Variants in EIF4G3 observed in about 807,000 individuals in gnomAD.
EIF4G3 encodes the protein eIF-4-gamma 3.
Under a neutral mutation model 186.4 loss-of-function variants are expected in EIF4G3, and 34 were observed. The ratio of observed to expected loss-of-function variants is 0.18; its 90% CI spans 0.14 to 0.24. EIF4G3 has a LOEUF of 0.24. Among genes scored for constraint, EIF4G3 ranks in the 10% least tolerant of loss-of-function variants. The probability of loss-of-function intolerance (pLI) is 1.00; values close to 1 mark genes in which losing one functional copy is unlikely to be tolerated. For missense variants in EIF4G3, 1,536 were observed against 1,948.5 expected (o/e 0.79, Z 3.99); for synonymous variants, 673 against 679.5 (o/e 0.99, Z 0.15).
At chr1:21,058,719 C>T (rs79440506) in intron 3 of EIF4G3, among the ~76,000 whole-genome samples, 141 of 82,032 alleles carry the variant, frequency 1.7e-3, no homozygotes, top group African/African-American at 4.5e-3. Context: ...CTCTCTCTCT[C>T]TTTTTTTTTT....
At chr1:21,149,045 A>G (rs1005915174) in intron 2 of EIF4G3, among the ~76,000 whole-genome samples, 2 of 151,826 alleles carry the variant, frequency 1.3e-5, no homozygotes, top group African/African-American at 4.8e-5. Context: ...ACAGTGAGCT[A>G]TGATCATGCC....
intron 2 of EIF4G3, among the ~76,000 whole-genome samples, chr1:21,098,326 G>A (rs1260805197): frequency 6.6e-6 from 1 of 151,978 alleles, no homozygotes; most frequent in Non-Finnish European, 1.5e-5. Context: ...TGAACTGCTT[G>A]AGTCCAGGAG....
intron 12 of EIF4G3, among the ~76,000 whole-genome samples, chr1:20,968,233 A>AC (rs1199342583): frequency 5.9e-5 from 9 of 151,264 alleles, no homozygotes; most frequent in Non-Finnish European, 8.8e-5. Flanking sequence ...GCTGGTGAGT[A>AC]CAGCAGCACA....
chr1:20,981,791 G>A (rs2078338249), intron 8 of EIF4G3, among the ~76,000 whole-genome samples: 1 of 150,942 alleles, frequency 6.6e-6, no homozygotes, highest in Non-Finnish European at 1.5e-5. Context: ...ATACATATAT[G>A]TATACACACA....
At chr1:20,963,725 GAGC>G (rs2073975006) in intron 12 of EIF4G3, among the ~76,000 whole-genome samples, 1 of 152,004 alleles carries the variant, frequency 6.6e-6, no homozygotes, top group South Asian at 2.1e-4. Context: ...AGGCTGAGGC[GAGC>G]AGATCACTTG....
At chr1:20,978,828 A>G (rs2077396878) in intron 10 of EIF4G3, among the ~76,000 whole-genome samples, 1 of 152,134 alleles carries the variant, frequency 6.6e-6, no homozygotes, top group Admixed American at 6.6e-5. Context: ...AATATCAACC[A>G]AGGTAACAGA....
At chr1:21,111,542 T>A (rs749738907) in intron 2 of EIF4G3, 1 of 320,970 alleles carries the variant, frequency 3.1e-6, no homozygotes, top group Non-Finnish European at 6.3e-6. Context: ...GATTCCTAAT[T>A]AAGAGCACCA....
chr1:20,974,657 CA>C (rs1222278703), intron 10 of EIF4G3, among the ~76,000 whole-genome samples: 2 of 151,892 alleles, frequency 1.3e-5, no homozygotes, highest in African/African-American at 4.8e-5. Context: ...TATAGCTGGA[CA>C]AAAATATGGA....
intron 2 of EIF4G3, among the ~76,000 whole-genome samples, chr1:21,105,109 C>T (rs2096591714): frequency 6.6e-6 from 1 of 152,136 alleles, no homozygotes; most frequent in South Asian, 2.1e-4. Flanking sequence ...AAGTACTATG[C>T]TTATTACCTG....
chr1:21,018,502 G>A (rs760139569), intron 4 of EIF4G3, among the ~76,000 whole-genome samples: 1 of 151,802 alleles, frequency 6.6e-6, no homozygotes, highest in Non-Finnish European at 1.5e-5. Context: ...GGAGGTTGCA[G>A]TGAGCTGAGA....
intron 29 of EIF4G3, among the ~76,000 whole-genome samples, chr1:20,849,206 C>T (rs190212578): frequency 2.0e-4 from 31 of 152,156 alleles, no homozygotes; most frequent in Admixed American, 8.5e-4. Flanking sequence ...TCTCTGCCCA[C>T]CACTCTATGT....
chr1:20,971,776 G>C (rs1349030231), intron 11 of EIF4G3, among the ~76,000 whole-genome samples: 1 of 152,138 alleles, frequency 6.6e-6, no homozygotes, highest in Non-Finnish European at 1.5e-5. Context: ...TGGAATTATA[G>C]GCACGAGCCT....
intron 2 of EIF4G3, among the ~76,000 whole-genome samples, chr1:21,125,333 TTTGAAACA>T (rs1256217581): frequency 6.6e-6 from 1 of 152,166 alleles, no homozygotes; most frequent in African/African-American, 2.4e-5. Flanking sequence ...TATTTAAACA[TTTGAAACA>T]GTACCCTCAC....
intron 2 of EIF4G3, among the ~76,000 whole-genome samples, chr1:21,106,507 T>A (rs761261654): frequency 6.6e-6 from 1 of 152,120 alleles, no homozygotes; most frequent in Non-Finnish European, 1.5e-5. Flanking sequence ...CAGACAGCAG[T>A]ACTACTCGCC....
intron 2 of EIF4G3, among the ~76,000 whole-genome samples, chr1:21,113,146 CAAAAAAAAAA>C (rs5772939): frequency 3.9e-5 from 2 of 51,462 alleles, no homozygotes; most frequent in Non-Finnish European, 3.3e-5. Flanking sequence ...GGCCCTATCT[CAAAAAAAAAA>C]AAAAAAAAAA....
chr1:21,011,315 T>C (rs2087007529), intron 4 of EIF4G3, among the ~76,000 whole-genome samples: 1 of 152,132 alleles, frequency 6.6e-6, no homozygotes, highest in African/African-American at 2.4e-5. Flanking sequence ...CAAAAGAATG[T>C]CACTTCTGTA....
At chr1:20,923,040 CAG>C (rs1475514960) in intron 14 of EIF4G3, among the ~76,000 whole-genome samples, 2 of 152,142 alleles carry the variant, frequency 1.3e-5, no homozygotes, top group African/African-American at 2.4e-5. Context: ...TTCCCCTTTA[CAG>C]AGAGTAAAGG....
rs1258722590 is a variant in EIF4G3, at chr1:21,176,690, C to A, written c.-456+32G>T. ...ACGCGACCCCAGGGGGGGGGCCGGA[C>A]CCGGCGGGGGCAGGAGGCGGAGAGA... is the stretch of plus-strand genomic sequence containing the variant. On this transcript the variant is annotated intron_variant, in intron 1 of 36. Coordinates refer to ENST00000602326, the MANE Select transcript of EIF4G3 (RefSeq NM_001391906.1). 4.9e-6 allele frequency: 3 copies of A among 614,038 alleles called. No individual in the cohort carries two copies. The African/African-American group carries it at 5.9e-5, about 12-fold the overall frequency. 38.0% of individuals were successfully genotyped at this position (614,038 alleles called of 1,614,324 possible).
At chr1:20,952,762 A>T (rs1003151951) in intron 12 of EIF4G3, among the ~76,000 whole-genome samples, 1 of 152,252 alleles carries the variant, frequency 6.6e-6, no homozygotes, top group Non-Finnish European at 1.5e-5. Context: ...AGGCAGGAGA[A>T]TTGCTTGAAC....
Sources: allele counts gnomAD v4.1 joint callset (sites outside exome capture counted in the v4.1 genomes callset), GRCh38; gene constraint gnomAD v4.1.1; transcripts MANE v1.5; gene names NCBI Gene and HGNC (gene_info 2026-07-23, HGNC 2026-07-21).